KIAA1217: variants seen among roughly 807,000 people sequenced by gnomAD.
The protein encoded by KIAA1217 is KIAA1217.
In KIAA1217, 88 loss-of-function variants were observed where a neutral mutation model predicts 163.9. The ratio of observed to expected loss-of-function variants is 0.54; its 90% CI spans 0.45 to 0.64. The LOEUF is 0.64. Among genes scored for constraint, KIAA1217 ranks in the 30% least tolerant of loss-of-function variants. KIAA1217 has a pLI of 0.00. For synonymous variants in KIAA1217, 903 were observed against 923.1 expected, an observed-to-expected ratio of 0.98 and a Z score of 0.39; for missense variants, 2,372 against 2,475.0, an observed-to-expected ratio of 0.96 and a Z score of 0.88.
intron 1 of KIAA1217, among the ~76,000 whole-genome samples, chr10:23,836,789 G>T (rs927075374): frequency 6.6e-6 from 1 of 151,906 alleles, no homozygotes; most frequent in Non-Finnish European, 1.5e-5. Context: ...AATTAGCCGT[G>T]TATGGTAGCA....
intron 2 of KIAA1217, among the ~76,000 whole-genome samples, chr10:24,132,041 G>C (rs1049282113): frequency 1.3e-5 from 2 of 152,162 alleles, no homozygotes; most frequent in Admixed American, 1.3e-4. Context: ...CTCATTCAGG[G>C]ACCCAAGCTA....
At chr10:24,249,418 T>C (rs903047687) in intron 2 of KIAA1217, among the ~76,000 whole-genome samples, 3 of 152,196 alleles carry the variant, frequency 2.0e-5, no homozygotes, top group African/African-American at 7.2e-5. Flanking sequence ...TTAAAGAGAA[T>C]ACAAGTGCTG....
intron 1 of KIAA1217, among the ~76,000 whole-genome samples, chr10:23,784,720 T>G (rs1055322572): frequency 2.6e-5 from 4 of 152,216 alleles, no homozygotes; most frequent in African/African-American, 9.6e-5. Flanking sequence ...TTTGATAACA[T>G]ATAAAAACTC....
At chr10:24,031,432 C>A (rs1189189882) in intron 2 of KIAA1217, among the ~76,000 whole-genome samples, 2 of 152,058 alleles carry the variant, frequency 1.3e-5, no homozygotes, top group Non-Finnish European at 2.9e-5. Context: ...TCCCGAGTAG[C>A]CGGAACCGCA....
intron 3 of KIAA1217, among the ~76,000 whole-genome samples, chr10:24,403,287 G>A (rs2056794950): frequency 6.6e-6 from 1 of 152,086 alleles, no homozygotes; most frequent in Non-Finnish European, 1.5e-5. Context: ...TGCCCAGGCT[G>A]GAGTGCAATG....
At chr10:24,346,618 T>TGAAGTGCA (rs2047822323) in intron 2 of KIAA1217, among the ~76,000 whole-genome samples, 1 of 136,824 alleles carries the variant, frequency 7.3e-6, no homozygotes, top group South Asian at 2.7e-4. Flanking sequence ...GTCACCAGGC[T>TGAAGTGCA]GAAGTGCAGT....
chr10:23,792,389 T>C (rs1341308226), intron 1 of KIAA1217, among the ~76,000 whole-genome samples: 1 of 152,234 alleles, frequency 6.6e-6, no homozygotes, highest in Non-Finnish European at 1.5e-5. Flanking sequence ...AGTTCTCTTA[T>C]AGTAAACTTT....
intron 2 of KIAA1217, among the ~76,000 whole-genome samples, chr10:24,043,623 T>C (rs1848778546): frequency 6.6e-6 from 1 of 152,156 alleles, no homozygotes; most frequent in Admixed American, 6.6e-5. Context: ...CAGAAGTGGC[T>C]GAATAGAATG....
chr10:23,769,699 G>A (rs1834711882), intron 1 of KIAA1217, among the ~76,000 whole-genome samples: 1 of 152,164 alleles, frequency 6.6e-6, no homozygotes, highest in Non-Finnish European at 1.5e-5. Flanking sequence ...ATTTTGCAGT[G>A]GCAGTTTAAA....
chr10:24,210,955 G>A (rs948574719), intron 1 of KIAA1217, among the ~76,000 whole-genome samples: 1 of 147,826 alleles, frequency 6.8e-6, no homozygotes, highest in Non-Finnish European at 1.5e-5. Flanking sequence ...TTTTTTTTTA[G>A]TATAAGTATA....
chr10:24,234,676 A>AAAAG (rs2071964645), intron 2 of KIAA1217, among the ~76,000 whole-genome samples: 1 of 151,424 alleles, frequency 6.6e-6, no homozygotes, highest in African/African-American at 2.4e-5. Flanking sequence ...AAAAAAAAAA[A>AAAAG]AAAGAAACTA....
intron 1 of KIAA1217, among the ~76,000 whole-genome samples, chr10:23,920,073 C>T (rs1465598882): frequency 2.0e-5 from 3 of 152,156 alleles, no homozygotes; most frequent in Non-Finnish European, 4.4e-5. Flanking sequence ...AGTCATTGAC[C>T]CTTTGCTCCA....
intron 1 of KIAA1217, among the ~76,000 whole-genome samples, chr10:23,883,034 T>C (rs1841018355): frequency 6.6e-6 from 1 of 151,940 alleles, no homozygotes; most frequent in African/African-American, 2.4e-5. Flanking sequence ...TGCATTACAG[T>C]GATAGCTATT....
chr10:24,052,525 A>G (rs908058396), intron 2 of KIAA1217, among the ~76,000 whole-genome samples: 1 of 151,954 alleles, frequency 6.6e-6, no homozygotes, highest in Non-Finnish European at 1.5e-5. Context: ...GTTTTAGCCA[A>G]CTCCAGTAGA....
At chr10:23,846,741 A>G (rs189443430) in intron 1 of KIAA1217, among the ~76,000 whole-genome samples, 1 of 152,042 alleles carries the variant, frequency 6.6e-6, no homozygotes, top group South Asian at 2.1e-4. Context: ...TCTCTTGCCT[A>G]ATTGCCCTGG....
chr10:24,206,721 A>G (rs1195632762), upstream of KIAA1217, among the ~76,000 whole-genome samples: 3 of 152,200 alleles, frequency 2.0e-5, no homozygotes, highest in African/African-American at 4.8e-5. Flanking sequence ...TTAATGATTC[A>G]TGTTAATTCT....
intron 2 of KIAA1217, among the ~76,000 whole-genome samples, chr10:24,375,888 A>C (rs1295036793): frequency 1.3e-5 from 2 of 152,236 alleles, no homozygotes; most frequent in African/African-American, 4.8e-5. Flanking sequence ...CTACATTTGC[A>C]GGTTCATTTT....
At chr10:23,938,344 T>G (rs1843619299) in intron 1 of KIAA1217, among the ~76,000 whole-genome samples, 2 of 152,106 alleles carry the variant, frequency 1.3e-5, no homozygotes, top group South Asian at 4.2e-4. Flanking sequence ...TAATCTTAAA[T>G]GCAAGCCTTG....
chr10:24,337,527 G>A (rs571843647), intron 2 of KIAA1217, among the ~76,000 whole-genome samples: 8 of 151,864 alleles, frequency 5.3e-5, no homozygotes, highest in Admixed American at 1.3e-4. Flanking sequence ...ATGACAGATC[G>A]CATTTTCTTA....
Sources: allele counts gnomAD v4.1 joint callset (sites outside exome capture counted in the v4.1 genomes callset), GRCh38; gene constraint gnomAD v4.1.1; transcripts MANE v1.5; gene names NCBI Gene and HGNC (gene_info 2026-07-23, HGNC 2026-07-21).